Variants in GALNT2 observed in about 807,000 individuals in gnomAD.
GALNT2 encodes the protein polypeptide N-acetylgalactosaminyltransferase 2.
A neutral mutation model predicts 81.4 loss-of-function variants in GALNT2; 31 were observed. The observed-to-expected ratio is 0.38, with a 90% CI of 0.29 to 0.51. The LOEUF (loss-of-function observed/expected upper bound fraction) is 0.51, where lower values mean the gene tolerates loss of function less well. Ranked by LOEUF, GALNT2 falls within the 20% of genes least tolerant of loss-of-function variation. The pLI, the probability that GALNT2 is intolerant of heterozygous loss-of-function variation, is 0.87. For missense variants in GALNT2, 629 were observed against 765.7 expected (o/e 0.82, Z 2.11); for synonymous variants, 303 against 287.4 (o/e 1.05, Z -0.55).
intron 11 of GALNT2, chr1:230,258,786 T>C (rs913442132): frequency 1.3e-5 from 2 of 152,198 alleles, no homozygotes; most frequent in African/African-American, 4.8e-5. Flanking sequence ...TATATGTGCT[T>C]TTTCCTGGGG....
intron 2 of GALNT2, among the ~76,000 whole-genome samples, chr1:230,192,473 T>C (rs1663559420): frequency 6.6e-6 from 1 of 152,186 alleles, no homozygotes; most frequent in African/African-American, 2.4e-5. Flanking sequence ...TAGATTCACT[T>C]TGATATTATT....
At chr1:230,171,443 T>C (rs1246125018) in intron 1 of GALNT2, among the ~76,000 whole-genome samples, 2 of 152,190 alleles carry the variant, frequency 1.3e-5, no homozygotes, top group Non-Finnish European at 2.9e-5. Context: ...TACTGAAAAG[T>C]CATCAAATAA....
At chr1:230,096,363 G>A (rs780991301) in intron 1 of GALNT2, among the ~76,000 whole-genome samples, 1 of 152,204 alleles carries the variant, frequency 6.6e-6, no homozygotes, top group Admixed American at 6.5e-5. Context: ...TGTGATATAT[G>A]TTAATATGCA....
At chr1:230,249,347 G>T (rs567452181) in intron 9 of GALNT2, 76 bp downstream of exon 9, 6 of 1,323,996 alleles carry the variant, frequency 4.5e-6, no homozygotes, top group South Asian at 2.5e-5. Flanking sequence ...GGCCCGCACC[G>T]CCTGGAGACC....
In GALNT2 at chr1:230,203,163, C is replaced by G. The variant is rs200978844; in HGVS notation, c.247C>G (p.Gln83Glu). 53 of 1,614,104 alleles carry G rather than the reference C, an allele frequency of 3.3e-5. No individual in the cohort carries two copies. Among genetic ancestry groups the G allele is most frequent in the Non-Finnish European group, 8.5e-7 (1 of 1,179,980 alleles). ...PGKVRWPDFN[Q>E]EAYVGGTMVR... ...GAAAGTACGGTGGCCAGACTTTAAC[C>G]AGGAAGCTTATGTTGGAGGGACGAT... Residue 83 changes from glutamine (Q) to glutamate (E), a missense_variant, in exon 3 of 16, where the codon CAG (glutamine) becomes GAG (glutamate). Physicochemically the swap from Gln to Glu is conservative, Grantham distance 29 (BLOSUM62 2). This residue lies in a region of GALNT2 where 360 missense variants were observed against 492.8 expected (regional missense o/e 0.73). Transcript: ENST00000366672.
chr1:230,177,088 C>T (rs567263319), intron 1 of GALNT2, among the ~76,000 whole-genome samples: 2 of 152,350 alleles, frequency 1.3e-5, no homozygotes, highest in East Asian at 1.9e-4. Flanking sequence ...GTCTAATTAC[C>T]GCACCTCTTG....
chr1:230,259,830 G>A (rs918301210), intron 11 of GALNT2: 1 of 152,222 alleles, frequency 6.6e-6, no homozygotes, highest in Non-Finnish European at 1.5e-5. Flanking sequence ...AGGAGTAATT[G>A]GGGAAGTTGC....
chr1:230,084,492 G>A (rs947411621), intron 1 of GALNT2, among the ~76,000 whole-genome samples: 1 of 152,166 alleles, frequency 6.6e-6, no homozygotes, highest in Non-Finnish European at 1.5e-5. Context: ...AGAGACAGCC[G>A]GGGGATGGTG....
chr1:230,191,782 G>C (rs1402162243), intron 2 of GALNT2, among the ~76,000 whole-genome samples: 2 of 152,190 alleles, frequency 1.3e-5, no homozygotes, highest in African/African-American at 4.8e-5. Flanking sequence ...CAAAGTGCTG[G>C]GATCATAGGC....
chr1:230,248,900 T>G (rs1159620113), intron 8 of GALNT2, among the ~76,000 whole-genome samples: 2 of 151,118 alleles, frequency 1.3e-5, no homozygotes, highest in African/African-American at 4.9e-5. Context: ...CCATATTTCA[T>G]TTTTTCCTAT....
chr1:230,229,133 G>C (rs1421278914), intron 3 of GALNT2, among the ~76,000 whole-genome samples: 1 of 152,142 alleles, frequency 6.6e-6, no homozygotes, highest in South Asian at 2.1e-4. Context: ...TTAAAACGTA[G>C]GTTTGACAAA....
At chr1:230,146,951 C>T (rs766754016) in intron 1 of GALNT2, among the ~76,000 whole-genome samples, 9 of 152,060 alleles carry the variant, frequency 5.9e-5, no homozygotes, top group Non-Finnish European at 1.2e-4. Flanking sequence ...TCCCGCTGGC[C>T]GCACTGTGTG....
At chr1:230,205,417 A>G (rs1664030859) in intron 3 of GALNT2, among the ~76,000 whole-genome samples, 1 of 152,160 alleles carries the variant, frequency 6.6e-6, no homozygotes, top group Admixed American at 6.5e-5. Context: ...ATGTAAACAT[A>G]CATATCTTAT....
At chr1:230,151,331 C>T (rs1413416030) in intron 1 of GALNT2, among the ~76,000 whole-genome samples, 7 of 152,136 alleles carry the variant, frequency 4.6e-5, no homozygotes, top group South Asian at 4.1e-4. Context: ...GCTGCACACC[C>T]GTGACAGGGT....
In GALNT2 at chr1:230,138,848, T is replaced by C. The variant is rs538272770; in HGVS notation, c.127-39370T>C. ...AGTGAGGATGACCAGGTGTGGCTTTTGTAGCCATCTTGGTTTTGGTGGGTT... is the reference window on the plus strand; with the variant it reads ...AGTGAGGATGACCAGGTGTGGCTTTCGTAGCCATCTTGGTTTTGGTGGGTT... On this transcript the variant is annotated intron_variant, in intron 1 of 15. Transcript: ENST00000366672. 1.4e-4 allele frequency among the ~76,000 whole-genome samples: 21 copies of C among 152,310 alleles called. No individual in the cohort carries two copies. In the South Asian group the frequency reaches 4.1e-3, roughly 30 times the overall value.
At chr1:230,259,424 C>T (rs1665812732) in intron 11 of GALNT2, 1 of 152,232 alleles carries the variant, frequency 6.6e-6, no homozygotes, top group Admixed American at 6.5e-5. Flanking sequence ...AAAGGCGTCA[C>T]TGTGACCGCC....
At chr1:230,132,158 TTCAA>T (rs1426994774) in intron 1 of GALNT2, among the ~76,000 whole-genome samples, 1 of 152,182 alleles carries the variant, frequency 6.6e-6, no homozygotes, top group African/African-American at 2.4e-5. Flanking sequence ...CATTCATCCC[TTCAA>T]TCAGTCTCGT....
chr1:230,143,926 T>C (rs1487862665), intron 1 of GALNT2, among the ~76,000 whole-genome samples: 1 of 152,268 alleles, frequency 6.6e-6, no homozygotes, highest in African/African-American at 2.4e-5. Flanking sequence ...AATTAGGCTT[T>C]AATTGCTAAC....
At chr1:230,179,351 A>G (rs1210696529) in intron 2 of GALNT2, among the ~76,000 whole-genome samples, 2 of 152,180 alleles carry the variant, frequency 1.3e-5, no homozygotes, top group Non-Finnish European at 2.9e-5. Context: ...TGGTAAGAGT[A>G]TGCTGAGTTT....
Sources: allele counts gnomAD v4.1 joint callset (sites outside exome capture counted in the v4.1 genomes callset), GRCh38; gene constraint gnomAD v4.1.1; regional missense constraint gnomAD v4.1.1; transcripts MANE v1.5; gene names NCBI Gene and HGNC (gene_info 2026-07-23, HGNC 2026-07-21).